Variants in WLS observed in about 807,000 individuals in gnomAD.
WLS encodes the protein Wnt ligand secretion mediator, also known as protein wntless homolog.
In WLS, 23 loss-of-function variants were observed where a neutral mutation model predicts 62.8. That is an observed-to-expected ratio of 0.37 (90% CI 0.26 to 0.52). The LOEUF (loss-of-function observed/expected upper bound fraction) is 0.52. Among genes scored for constraint, WLS ranks in the 20% least tolerant of loss-of-function variants. WLS has a pLI of 0.92. For missense variants in WLS, 615 were observed against 697.3 expected (o/e 0.88, Z 1.33); for synonymous variants, 246 against 244.1 (o/e 1.01, Z -0.07).
intron 2 of WLS, among the ~76,000 whole-genome samples, chr1:68,190,878 A>C (rs1042501182): frequency 6.6e-6 from 1 of 152,072 alleles, no homozygotes; most frequent in African/African-American, 2.4e-5. Context: ...GCCAACATGG[A>C]GAAACCCCGT....
chr1:68,140,668 C>A (rs1263394629), intron 10 of WLS, among the ~76,000 whole-genome samples: 4 of 152,118 alleles, frequency 2.6e-5, no homozygotes, highest in Admixed American at 2.0e-4. Flanking sequence ...AATTACACAC[C>A]CTACTGAATG....
At chr1:68,104,351 G>C (rs1157191252) in intron 11 of WLS, among the ~76,000 whole-genome samples, 2 of 152,098 alleles carry the variant, frequency 1.3e-5, no homozygotes, top group Non-Finnish European at 2.9e-5. Flanking sequence ...AGTCCAGGGA[G>C]GTCATTGTGC....
chr1:68,221,754 T>G (rs909478782), intron 1 of WLS, among the ~76,000 whole-genome samples: 5 of 152,196 alleles, frequency 3.3e-5, no homozygotes, highest in African/African-American at 9.7e-5. Context: ...TTCAGCTAAA[T>G]TAGATGGTGC....
intron 10 of WLS, chr1:68,142,730 C>T (rs1027521520): frequency 4.6e-5 from 7 of 152,022 alleles, no homozygotes; most frequent in African/African-American, 1.7e-4. Flanking sequence ...TTATTTTTTC[C>T]ACGTTCATTT....
At chr1:68,154,024 C>G (rs950966381) in intron 4 of WLS, among the ~76,000 whole-genome samples, 1 of 152,046 alleles carries the variant, frequency 6.6e-6, no homozygotes, top group African/African-American at 2.4e-5. Context: ...TATTAAAATG[C>G]TAATACCTAA....
chr1:68,223,395 T>A (rs1373702585), intron 1 of WLS, among the ~76,000 whole-genome samples: 3 of 152,156 alleles, frequency 2.0e-5, no homozygotes, highest in Non-Finnish European at 4.4e-5. Context: ...CCAAGTAAGG[T>A]TTTGGGTCAT....
At chr1:68,140,940 C>A (rs1000650736) in intron 10 of WLS, among the ~76,000 whole-genome samples, 1 of 151,300 alleles carries the variant, frequency 6.6e-6, no homozygotes, top group Admixed American at 6.6e-5. Context: ...CCCCTTTTAA[C>A]TTTGAGAGAA....
chr1:68,225,011 G>A (rs987505704), intron 1 of WLS, among the ~76,000 whole-genome samples: 103 of 152,184 alleles, frequency 6.8e-4, no homozygotes, highest in African/African-American at 2.5e-3. Flanking sequence ...TCTTAAATGA[G>A]CCTCAGATTC....
At chr1:68,177,005 C>T (rs1647286391) in intron 2 of WLS, among the ~76,000 whole-genome samples, 2 of 152,210 alleles carry the variant, frequency 1.3e-5, no homozygotes, top group Admixed American at 1.3e-4. Context: ...CACTCTTCCA[C>T]TCCAAGAGGT....
chr1:68,135,220 A>T (rs955090981), intron 11 of WLS, among the ~76,000 whole-genome samples: 2 of 151,612 alleles, frequency 1.3e-5, no homozygotes. Context: ...GGCTTACTGC[A>T]GCCTCAAACT....
chr1:68,214,704 G>A (rs1041204168), intron 1 of WLS, among the ~76,000 whole-genome samples: 1 of 152,092 alleles, frequency 6.6e-6, no homozygotes, highest in Non-Finnish European at 1.5e-5. Context: ...GTTTCTTTTG[G>A]TTGTAAGAGA....
intron 2 of WLS, chr1:68,162,501 A>G: frequency 6.2e-7 from 1 of 1,613,818 alleles, no homozygotes. Context: ...CCTTGGCTCG[A>G]ACTGCAACCG....
chr1:68,124,399 C>T (rs1001166992), downstream of WLS, among the ~76,000 whole-genome samples: 36 of 152,194 alleles, frequency 2.4e-4, no homozygotes, highest in African/African-American at 5.8e-4. Context: ...GCCTGATCGC[C>T]GACCTTATCC....
At chr1:68,188,189 A>G (rs1053876512) in intron 2 of WLS, among the ~76,000 whole-genome samples, 5 of 152,238 alleles carry the variant, frequency 3.3e-5, no homozygotes, top group African/African-American at 7.2e-5. Context: ...CCTATAGTCA[A>G]TTCTTAACTT....
chr1:68,163,701 T>A (rs180721837), intron 2 of WLS, among the ~76,000 whole-genome samples: 3 of 151,406 alleles, frequency 2.0e-5, no homozygotes, highest in East Asian at 3.9e-4. Flanking sequence ...ACTAGGGTTA[T>A]GAAAATGGGC....
chr1:68,124,974 G>A (rs1446882751), downstream of WLS, among the ~76,000 whole-genome samples: 2 of 152,194 alleles, frequency 1.3e-5, no homozygotes, highest in African/African-American at 4.8e-5. Context: ...AAAGTTTATC[G>A]ATATAAGTGA....
chr1:68,186,519 T>A, intron 2 of WLS: 2 of 393,634 alleles, frequency 5.1e-6, no homozygotes, highest in South Asian at 1.8e-5. Context: ...AAAAAATGGA[T>A]TGGTCTTGAC....
rs975597517 is a variant in WLS at position 68,147,989 on chromosome 1, G to A, written c.1134+147C>T. The stretch of plus-strand genomic sequence containing the variant: ...CAAGCAGTAATTCTTCTTATTATTA[G>A]CCTTAATTGTGCTGTTATGATTGGC... On this transcript the variant is annotated intron_variant, in intron 8 of 11. Coordinates refer to ENST00000262348, the MANE Select transcript of WLS (RefSeq NM_024911.7). 39 of 824,262 alleles carry A rather than the reference G, an allele frequency of 4.7e-5. No individual in the cohort carries two copies. The African/African-American group carries it at 6.5e-4, about 14-fold the overall frequency. 51.1% of individuals were successfully genotyped at this position (824,262 alleles called of 1,614,324 possible). A position where few individuals can be genotyped will look rare whatever the true frequency, so the allele number is the denominator to read the frequency against.
intron 2 of WLS, among the ~76,000 whole-genome samples, chr1:68,161,107 C>T (rs532259985): frequency 6.6e-6 from 1 of 152,266 alleles, no homozygotes; most frequent in East Asian, 1.9e-4. Context: ...TATTTGAGTA[C>T]AAACAGCTTG....
Sources: gnomAD v4.1 joint callset for allele counts (sites outside exome capture counted in the v4.1 genomes callset) on GRCh38, gnomAD v4.1.1 for gene constraint, MANE v1.5 for transcripts, NCBI Gene and HGNC (gene_info 2026-07-23, HGNC 2026-07-21) for gene names.